Variants in NRXN3 observed in about 807,000 individuals in gnomAD.
The protein encoded by NRXN3 is neurexin III.
Under a neutral mutation model 137.6 loss-of-function variants are expected in NRXN3, and 32 were observed. The observed-to-expected ratio is 0.23, with a 90% CI of 0.18 to 0.31. The LOEUF (loss-of-function observed/expected upper bound fraction) is 0.31. NRXN3 is among the 10% of genes least tolerant of loss of function. NRXN3 has a pLI of 1.00. For missense variants in NRXN3, 1,574 were observed against 2,062.5 expected (o/e 0.76, Z 4.59); for synonymous variants, 798 against 784.5 (o/e 1.02, Z -0.29).
At chr14:78,229,790 CT>C (rs1192495728) in intron 1 of NRXN3, among the ~76,000 whole-genome samples, 2 of 152,128 alleles carry the variant, frequency 1.3e-5, no homozygotes, top group Non-Finnish European at 2.9e-5. Context: ...CACTGTCTTC[CT>C]TCTTTATGCC....
intron 4 of NRXN3, among the ~76,000 whole-genome samples, chr14:78,509,628 G>A (rs1470788293): frequency 6.6e-6 from 1 of 152,082 alleles, no homozygotes; most frequent in Non-Finnish European, 1.5e-5. Flanking sequence ...AGCACCTTCT[G>A]CTCTTCTCCA....
At chr14:79,772,939 C>T (rs1193344486) in intron 19 of NRXN3, among the ~76,000 whole-genome samples, 5 of 151,922 alleles carry the variant, frequency 3.3e-5, no homozygotes, top group Non-Finnish European at 4.4e-5. Context: ...AAGAAAAAAA[C>T]ATACAACCCC....
intron 6 of NRXN3, among the ~76,000 whole-genome samples, chr14:78,696,939 G>C (rs546393182): frequency 9.2e-5 from 14 of 152,176 alleles, no homozygotes; most frequent in Admixed American, 5.2e-4. Flanking sequence ...TTAGGGTTAG[G>C]GGATTAACCC....
intron 4 of NRXN3, among the ~76,000 whole-genome samples, chr14:78,405,618 G>GGGGT (rs386381907): frequency 7.0e-6 from 1 of 142,752 alleles, no homozygotes; most frequent in Non-Finnish European, 1.5e-5. Flanking sequence ...AGGGGCGGGG[G>GGGGT]GGTTCCGGGT....
At position 79,095,032 on chromosome 14, in the gene NRXN3, C is replaced by T. The variant is rs548104517; in HGVS notation, c.3262+106891C>T. On this transcript the variant is annotated intron_variant, in intron 15 of 20. Transcript: ENST00000335750. ...TGTGAAATGGGGAAAAATATCAATG[C>T]ATCAAAATGGACAGGTCATTTTGTT... is the stretch of plus-strand genomic sequence containing the variant. 2.0e-4 allele frequency among the ~76,000 whole-genome samples: 28 copies of T among 137,402 alleles called. No homozygotes were observed. In the South Asian group the frequency reaches 3.6e-3, roughly 17 times the overall value. The allele number at this position is 137,402 out of a possible 152,430, so 90.1% of individuals were successfully genotyped here.
chr14:79,128,425 T>C (rs2056913949), intron 15 of NRXN3, among the ~76,000 whole-genome samples: 2 of 149,802 alleles, frequency 1.3e-5, no homozygotes, highest in Admixed American at 6.7e-5. Context: ...TCTGCATCTA[T>C]TGAGATAATC....
At chr14:79,373,702 A>G (rs1457862506) in intron 15 of NRXN3, among the ~76,000 whole-genome samples, 1 of 152,184 alleles carries the variant, frequency 6.6e-6, no homozygotes, top group African/African-American at 2.4e-5. Context: ...ACATAATTAC[A>G]TGGTTGGTCT....
intron 15 of NRXN3, among the ~76,000 whole-genome samples, chr14:79,000,389 C>G (rs80279149): frequency 0.012 from 1,793 of 152,214 alleles, 33 homozygotes; most frequent in African/African-American, 0.041. Context: ...GCATCTTAGT[C>G]CATTGGCAAG....
intron 17 of NRXN3, among the ~76,000 whole-genome samples, chr14:79,691,787 C>T (rs1322527091): frequency 2.6e-5 from 4 of 151,978 alleles, no homozygotes; most frequent in African/African-American, 9.7e-5. Context: ...GAGCGAGGGT[C>T]CCGTCTCACA....
At chr14:78,202,479 G>GA (rs1392076046) in intron 1 of NRXN3, among the ~76,000 whole-genome samples, 1 of 152,210 alleles carries the variant, frequency 6.6e-6, no homozygotes, top group Non-Finnish European at 1.5e-5. Flanking sequence ...CTTCCCTGAA[G>GA]GTCACCTGTC....
chr14:78,990,901 C>T (rs769851384), intron 15 of NRXN3, among the ~76,000 whole-genome samples: 2 of 152,160 alleles, frequency 1.3e-5, no homozygotes, highest in Non-Finnish European at 2.9e-5. Flanking sequence ...CTCACTATAT[C>T]ATAGACCATT....
chr14:79,548,407 A>G (rs918507999), intron 16 of NRXN3, among the ~76,000 whole-genome samples: 2 of 152,104 alleles, frequency 1.3e-5, no homozygotes, highest in Non-Finnish European at 2.9e-5. Context: ...CATGGTGTAT[A>G]TGTGCCACAT....
At chr14:79,422,978 A>G (rs576541700) in intron 15 of NRXN3, among the ~76,000 whole-genome samples, 1 of 152,084 alleles carries the variant, frequency 6.6e-6, no homozygotes, top group Non-Finnish European at 1.5e-5. Context: ...GATTACAGGC[A>G]TGGGTCACCG....
intron 1 of NRXN3, among the ~76,000 whole-genome samples, chr14:78,198,173 T>G (rs2061389565): frequency 6.6e-6 from 1 of 152,180 alleles, no homozygotes; most frequent in South Asian, 2.1e-4. Flanking sequence ...TTGATTTTCT[T>G]TTTCTGTTCT....
chr14:79,864,053 A>G lies in NRXN3; in HGVS notation c.*2089A>G, dbSNP rs1313070396. The G allele has an allele frequency of 1.3e-5, 2 of 152,646 alleles. No homozygotes were observed. Among genetic ancestry groups the G allele is most frequent in the East Asian group, 3.8e-4 (2 of 5,200 alleles). The allele number at this position is 152,646 out of a possible 1,614,324, so 9.5% of individuals were successfully genotyped here. A position where few individuals can be genotyped will look rare whatever the true frequency, so the allele number is the denominator to read the frequency against. On this transcript the variant is annotated 3_prime_UTR_variant, in exon 21 of 21. Transcript: ENST00000335750. Reference sequence around the variant, plus strand: ...CAGGATTATAAAGAGATATCAAAGCACGATTTTAGATAACCTAAACGGCCC... The same window carrying G: ...CAGGATTATAAAGAGATATCAAAGCGCGATTTTAGATAACCTAAACGGCCC...
chr14:79,817,708 C>G (rs958698756), intron 20 of NRXN3, among the ~76,000 whole-genome samples: 2 of 152,114 alleles, frequency 1.3e-5, no homozygotes, highest in African/African-American at 2.4e-5. Context: ...ACTATGCTAT[C>G]CTGTCTCTTA....
chr14:79,138,747 TAG>T (rs2058503257), intron 15 of NRXN3, among the ~76,000 whole-genome samples: 1 of 152,194 alleles, frequency 6.6e-6, no homozygotes, highest in Non-Finnish European at 1.5e-5. Flanking sequence ...AGGCTAAAAA[TAG>T]TTCTTGATAT....
chr14:78,631,138 T>G (rs2097518613), intron 4 of NRXN3, among the ~76,000 whole-genome samples: 2 of 152,216 alleles, frequency 1.3e-5, no homozygotes, highest in Non-Finnish European at 2.9e-5. Context: ...GGCCTGTAAA[T>G]CAGAGAATCA....
chr14:78,458,462 C>A (rs1251806608), intron 4 of NRXN3, among the ~76,000 whole-genome samples: 1 of 152,194 alleles, frequency 6.6e-6, no homozygotes, highest in Non-Finnish European at 1.5e-5. Context: ...CCTAGGCAGT[C>A]TGTACTATAC....
Sources: allele counts gnomAD v4.1 joint callset (sites outside exome capture counted in the v4.1 genomes callset), GRCh38; gene constraint gnomAD v4.1.1; transcripts MANE v1.5; gene names NCBI Gene and HGNC (gene_info 2026-07-23, HGNC 2026-07-21).